Variants in PDE8A observed in about 807,000 individuals in gnomAD.
PDE8A encodes the protein phosphodiesterase 8A.
A neutral mutation model predicts 105.0 loss-of-function variants in PDE8A; 59 were observed. The ratio of observed to expected loss-of-function variants is 0.56; its 90% CI spans 0.46 to 0.70. PDE8A has a LOEUF of 0.70. Ranked by LOEUF, PDE8A falls within the 30% of genes least tolerant of loss-of-function variation. PDE8A has a pLI of 0.00. For synonymous variants in PDE8A, 355 were observed against 371.9 expected (o/e 0.95, Z 0.52); for missense variants, 1,014 against 1,045.9 (o/e 0.97, Z 0.42).
In PDE8A at chr15:84,990,702, T is replaced by C. The variant is rs975843028; in HGVS notation, c.186+8354T>C. Among the ~76,000 whole-genome samples the C allele has an allele frequency of 5.9e-5, 9 of 152,256 alleles. No individual in the cohort carries two copies. In the South Asian group the frequency reaches 6.2e-4, roughly 10 times the overall value. ...GCTACTATGAATATTCTAGTACACA[T>C]TATTTTGTGGACATGTGCTTTCATT... On this transcript the variant is annotated intron_variant, in intron 1 of 21. Coordinates refer to ENST00000394553, the MANE Select transcript of PDE8A (RefSeq NM_002605.3).
intron 1 of PDE8A, among the ~76,000 whole-genome samples, chr15:85,057,403 C>A (rs1253591363): frequency 6.6e-6 from 1 of 152,222 alleles, no homozygotes; most frequent in African/African-American, 2.4e-5. Context: ...GCCCTGCCCC[C>A]AGAGGTGGAG....
At chr15:85,075,511 T>C (rs2081368280) in intron 3 of PDE8A, among the ~76,000 whole-genome samples, 2 of 152,218 alleles carry the variant, frequency 1.3e-5, no homozygotes, top group Admixed American at 1.3e-4. Context: ...CATTTTCCTT[T>C]GGAAGAAGAG....
At chr15:85,024,063 T>C (rs746641037) in intron 1 of PDE8A, among the ~76,000 whole-genome samples, 5 of 152,190 alleles carry the variant, frequency 3.3e-5, no homozygotes, top group Admixed American at 2.0e-4. Context: ...TTCTTCTTCC[T>C]GTAGCTCCCT....
In PDE8A at chr15:85,083,662, GGAAA is replaced by G; in HGVS notation, c.635+20_635+23del. On this transcript the variant is annotated intron_variant, in intron 6 of 21. Coordinates refer to ENST00000394553, the MANE Select transcript of PDE8A (RefSeq NM_002605.3). ...AAACTCAGGTAATTCTACCACTTCT[GGAAA>G]GCCCTCCAGGCCATACAGGGCAGCA... The G allele has an allele frequency of 1.3e-6, 2 of 1,550,414 alleles. No homozygotes were observed. Among genetic ancestry groups the G allele is most frequent in the Non-Finnish European group, 1.8e-6 (2 of 1,122,122 alleles).
rs1415379271 is a variant in PDE8A at position 85,123,149 on chromosome 15, G to A, written c.2041G>A (p.Val681Ile). The A allele has an allele frequency of 1.9e-6, 3 of 1,613,912 alleles. No individual in the cohort carries two copies. The highest frequency in any genetic ancestry group is 1.3e-5 in the African/African-American group (1 of 74,890). Residue 681 changes from valine (V) to isoleucine (I), a missense_variant, in exon 19 of 22, where the codon GTC becomes ATC. Coordinates refer to ENST00000394553, the MANE Select transcript of PDE8A (RefSeq NM_002605.3). ...GCACTTTGAGCATGTCAACAAATTT[G>A]TCAACAGCATCAACAAACCCTTGGC... is the stretch of plus-strand genomic sequence containing the variant. ...TKHFEHVNKF[V>I]NSINKPLATL...
intron 1 of PDE8A, among the ~76,000 whole-genome samples, chr15:85,055,842 C>T (rs1388292226): frequency 3.3e-5 from 5 of 152,084 alleles, no homozygotes; most frequent in Non-Finnish European, 5.9e-5. Context: ...TGAATTTGAT[C>T]CTGTCATTAT....
Position 85,116,121 on chromosome 15 carries a change from T to G in PDE8A, c.1535+2T>G. On this transcript the variant is annotated splice_donor_variant, in intron 16 of 21. Transcript: ENST00000394553. LOFTEE classifies it high-confidence loss of function. ...ACTGGAGGCTGCCACCCACAATAGG[T>G]GAGTTCATGCAGAGCTCAGCAGCGG... 6.2e-7 allele frequency: 1 copy of G among 1,613,726 alleles called. No individual in the cohort carries two copies. The highest frequency in any genetic ancestry group is 8.5e-7 in the Non-Finnish European group (1 of 1,179,838).
At chr15:85,103,201 G>A (rs1026154565) in intron 11 of PDE8A, among the ~76,000 whole-genome samples, 14 of 152,262 alleles carry the variant, frequency 9.2e-5, no homozygotes, top group African/African-American at 2.6e-4. Flanking sequence ...CAGCCTGGGC[G>A]ACAGCAAGAC....
At chr15:85,121,420 C>G (rs553541804) in intron 18 of PDE8A, among the ~76,000 whole-genome samples, 4 of 152,332 alleles carry the variant, frequency 2.6e-5, no homozygotes, top group East Asian at 3.9e-4. Flanking sequence ...CTTCCCTGAT[C>G]TCTCATGCTA....
intron 1 of PDE8A, among the ~76,000 whole-genome samples, chr15:85,041,521 T>G (rs971423169): frequency 6.6e-6 from 1 of 152,364 alleles, no homozygotes; most frequent in South Asian, 2.1e-4. Flanking sequence ...TATGCACTTA[T>G]GACTACTACG....
intron 20 of PDE8A, among the ~76,000 whole-genome samples, chr15:85,130,422 A>C (rs112266581): frequency 2.0e-5 from 3 of 152,320 alleles, no homozygotes; most frequent in African/African-American, 7.2e-5. Context: ...TTTCACTGTT[A>C]TTAGAAAAGG....
chr15:85,018,008 C>G (rs1242044655), intron 1 of PDE8A, among the ~76,000 whole-genome samples: 1 of 150,726 alleles, frequency 6.6e-6, no homozygotes. Flanking sequence ...GTGATTATTT[C>G]TACTCTCAAT....
intron 12 of PDE8A, among the ~76,000 whole-genome samples, chr15:85,111,583 A>C (rs2082021688): frequency 6.6e-6 from 1 of 152,168 alleles, no homozygotes; most frequent in Non-Finnish European, 1.5e-5. Flanking sequence ...CCAATATCAC[A>C]ATCAGTTACT....
intron 1 of PDE8A, among the ~76,000 whole-genome samples, chr15:85,059,917 A>G (rs577215573): frequency 6.6e-6 from 1 of 152,316 alleles, no homozygotes; most frequent in South Asian, 2.1e-4. Flanking sequence ...CTGAAGTGGG[A>G]CGATCTCTTG....
At chr15:85,104,521 C>T (rs528367497) in intron 11 of PDE8A, among the ~76,000 whole-genome samples, 42 of 151,974 alleles carry the variant, frequency 2.8e-4, no homozygotes, top group African/African-American at 9.9e-4. Flanking sequence ...CTCCTGAATC[C>T]AGCCTCAGGA....
intron 1 of PDE8A, among the ~76,000 whole-genome samples, chr15:85,018,110 A>G (rs1471388294): frequency 1.3e-5 from 2 of 152,170 alleles, no homozygotes; most frequent in Admixed American, 1.3e-4. Context: ...TTGTAGAGCA[A>G]CAGAAGTGGC....
At chr15:85,126,126 T>A in intron 19 of PDE8A, 81 bp from the exon 20 acceptor site, 1 of 955,110 alleles carries the variant, frequency 1.0e-6, no homozygotes, top group South Asian at 2.1e-5. Flanking sequence ...CTTTTTATGC[T>A]TACAGTGGGA....
At chr15:85,019,932 G>GT (rs1211930252) in intron 1 of PDE8A, among the ~76,000 whole-genome samples, 40 of 105,520 alleles carry the variant, frequency 3.8e-4, no homozygotes, top group South Asian at 1.8e-3. Context: ...CTTTGGGGGA[G>GT]TTTTTTTTTG....
intron 20 of PDE8A, among the ~76,000 whole-genome samples, chr15:85,134,426 T>A (rs570654688): frequency 1.8e-3 from 275 of 152,280 alleles, no homozygotes; most frequent in Middle Eastern, 0.017. Flanking sequence ...CCCCACCCCT[T>A]CCTCTCTATA....
Sources: gnomAD v4.1 joint callset for allele counts (sites outside exome capture counted in the v4.1 genomes callset) on GRCh38, gnomAD v4.1.1 for gene constraint, MANE v1.5 for transcripts, NCBI Gene and HGNC (gene_info 2026-07-23, HGNC 2026-07-21) for gene names.